The following CCDC148 variants were observed in gnomAD, a reference collection of about 807,000 sequenced individuals.
CCDC148 encodes coiled-coil domain containing 148.
In CCDC148, 89 loss-of-function variants were observed where a neutral mutation model predicts 85.7. The observed-to-expected ratio is 1.04, with a 90% confidence interval of 0.87 to 1.24. The LOEUF is 1.24. Ranked by LOEUF, CCDC148 falls within the 50% of genes most tolerant of loss-of-function variation. The pLI, the probability that CCDC148 is intolerant of heterozygous loss-of-function variation, is 0.00. For synonymous variants in CCDC148, 230 were observed against 213.9 expected, an observed-to-expected ratio of 1.08 and a Z score of -0.66; for missense variants, 692 against 671.7, an observed-to-expected ratio of 1.03 and a Z score of -0.33.
chr2:158,451,481 T>G (rs560979816), intron 1 of CCDC148, among the ~76,000 whole-genome samples: 8 of 152,224 alleles, frequency 5.3e-5, no homozygotes, highest in Non-Finnish European at 8.8e-5. Flanking sequence ...TACTGATGTC[T>G]CTAATAAATT....
At chr2:158,371,674 A>ATAT (rs1221726051) in intron 1 of CCDC148, among the ~76,000 whole-genome samples, 1 of 150,178 alleles carries the variant, frequency 6.7e-6, no homozygotes, top group African/African-American at 2.4e-5. Context: ...TCATATACAT[A>ATAT]TATATATATA....
chr2:158,237,861 A>C (rs902837619), intron 10 of CCDC148, among the ~76,000 whole-genome samples: 57 of 152,296 alleles, frequency 3.7e-4, no homozygotes, highest in African/African-American at 1.3e-3. Flanking sequence ...GTTTACTGAG[A>C]GGAAGATACC....
intron 2 of CCDC148, among the ~76,000 whole-genome samples, chr2:158,354,093 T>C (rs900099730): frequency 7.9e-5 from 12 of 151,568 alleles, no homozygotes; most frequent in African/African-American, 2.7e-4. Context: ...TACAGGGAAA[T>C]TTATAGCACT....
At chr2:158,176,145 A>G (rs1350913653) in intron 13 of CCDC148, among the ~76,000 whole-genome samples, 1 of 151,900 alleles carries the variant, frequency 6.6e-6, no homozygotes. Flanking sequence ...GTTGTTTATT[A>G]ATATAATTTA....
At chr2:158,384,231 G>A (rs1433835403) in intron 1 of CCDC148, among the ~76,000 whole-genome samples, 2 of 152,136 alleles carry the variant, frequency 1.3e-5, no homozygotes, top group Admixed American at 6.6e-5. Flanking sequence ...CTTGTATTTT[G>A]TGGAGAGGTA....
intron 10 of CCDC148, among the ~76,000 whole-genome samples, chr2:158,224,342 G>T (rs1417512463): frequency 6.6e-6 from 1 of 152,238 alleles, no homozygotes; most frequent in African/African-American, 2.4e-5. Flanking sequence ...CATCTGATTG[G>T]TGTACCTGAA....
intron 11 of CCDC148, among the ~76,000 whole-genome samples, chr2:158,185,952 T>G (rs1265594293): frequency 6.6e-6 from 1 of 152,090 alleles, no homozygotes; most frequent in Non-Finnish European, 1.5e-5. Context: ...CTTCCTCCAC[T>G]GGAACACTCA....
intron 11 of CCDC148, among the ~76,000 whole-genome samples, chr2:158,208,856 C>T (rs976017170): frequency 6.6e-6 from 1 of 151,952 alleles, no homozygotes; most frequent in African/African-American, 2.4e-5. Flanking sequence ...TAAGCTAAAA[C>T]CTTAGTTAAT....
intron 10 of CCDC148, among the ~76,000 whole-genome samples, chr2:158,226,945 G>C (rs913331447): frequency 2.0e-4 from 30 of 152,180 alleles, no homozygotes; most frequent in Non-Finnish European, 2.2e-4. Flanking sequence ...AGTGTTGGAA[G>C]TTCTGACAAG....
At chr2:158,409,947 C>T (rs1220715065) in intron 1 of CCDC148, among the ~76,000 whole-genome samples, 1 of 152,202 alleles carries the variant, frequency 6.6e-6, no homozygotes, top group East Asian at 1.9e-4. Context: ...ATCCCTTTCA[C>T]TTGGCTGTCA....
At chr2:158,208,803 C>T (rs1235285978) in intron 11 of CCDC148, among the ~76,000 whole-genome samples, 1 of 152,104 alleles carries the variant, frequency 6.6e-6, no homozygotes, top group Non-Finnish European at 1.5e-5. Flanking sequence ...CCACAAAAAT[C>T]TTTTTACCAC....
At chr2:158,337,479 T>C (rs1574646550) in intron 7 of CCDC148, among the ~76,000 whole-genome samples, 1 of 152,190 alleles carries the variant, frequency 6.6e-6, no homozygotes, top group South Asian at 2.1e-4. Context: ...GAGACTTAAG[T>C]GTAGTGCATG....
At chr2:158,417,764 T>C (rs778057619) in intron 1 of CCDC148, among the ~76,000 whole-genome samples, 13 of 152,134 alleles carry the variant, frequency 8.5e-5, no homozygotes, top group South Asian at 6.2e-4. Flanking sequence ...GAAATGATAA[T>C]CACAGGTGTG....
chr2:158,415,555 G>T (rs139430102), intron 1 of CCDC148, among the ~76,000 whole-genome samples: 3 of 152,098 alleles, frequency 2.0e-5, no homozygotes, highest in Non-Finnish European at 4.4e-5. Context: ...ACTCATTTCC[G>T]CATTAACTCA....
chr2:158,211,846 TA>T (rs1476824947), intron 11 of CCDC148, among the ~76,000 whole-genome samples: 1 of 152,336 alleles, frequency 6.6e-6, no homozygotes, highest in East Asian at 1.9e-4. Context: ...AAAATTGCTA[TA>T]TATTGCTTTG....
chr2:158,179,647 G>A (rs934582463), intron 11 of CCDC148, among the ~76,000 whole-genome samples: 1 of 151,864 alleles, frequency 6.6e-6, no homozygotes, highest in African/African-American at 2.4e-5. Flanking sequence ...AGCACACCTT[G>A]GGTTGTTAGA....
Position 158,176,822 on chromosome 2 carries a change from C to A in CCDC148, c.1489-161G>T, listed in dbSNP as rs553409743. 11 of 685,222 alleles carry A rather than the reference C, an allele frequency of 1.6e-5. No homozygotes were observed. In the African/African-American group the frequency reaches 1.8e-4, roughly 11 times the overall value. The allele number at this position is 685,222 out of a possible 1,614,324, so 42.4% of individuals were successfully genotyped here. On this transcript the variant is annotated intron_variant, in intron 12 of 13. Coordinates refer to ENST00000283233, the MANE Select transcript of CCDC148 (RefSeq NM_138803.4). ...ATATTAATTGGTCAGTCCTAGAGATCCACAAAGGAGTTAAAACAAAACAAG... is the reference window on the plus strand; with the variant it reads ...ATATTAATTGGTCAGTCCTAGAGATACACAAAGGAGTTAAAACAAAACAAG...
At chr2:158,283,709 T>A (rs1409871533) in intron 9 of CCDC148, among the ~76,000 whole-genome samples, 3 of 151,856 alleles carry the variant, frequency 2.0e-5, no homozygotes, top group Non-Finnish European at 4.4e-5. Flanking sequence ...ATTGTGGAAG[T>A]CAGTGTGGCG....
intron 1 of CCDC148, among the ~76,000 whole-genome samples, chr2:158,374,535 G>T (rs996932817): frequency 6.6e-6 from 1 of 151,822 alleles, no homozygotes; most frequent in East Asian, 1.9e-4. Context: ...GCTCTCTCTC[G>T]AGAAAAAAAG....
Sources: allele counts gnomAD v4.1 joint callset (sites outside exome capture counted in the v4.1 genomes callset), GRCh38; gene constraint gnomAD v4.1.1; transcripts MANE v1.5; gene names NCBI Gene and HGNC (gene_info 2026-07-23, HGNC 2026-07-21).